Variants in COMMD1 observed in about 807,000 individuals in gnomAD.
The protein encoded by COMMD1 is copper metabolism domain containing 1, also known as COMM domain-containing protein 1.
In COMMD1, 10 loss-of-function variants were observed where a neutral mutation model predicts 17.2. That is an observed-to-expected ratio of 0.58 (90% confidence interval 0.36 to 0.99). The LOEUF (loss-of-function observed/expected upper bound fraction) is 0.99. Among genes scored for constraint, COMMD1 ranks in the 50% least tolerant of loss-of-function variants. The probability of loss-of-function intolerance (pLI) is 0.01; values close to 1 mark genes in which losing one functional copy is unlikely to be tolerated. For missense variants in COMMD1, 270 were observed against 231.8 expected, an observed-to-expected ratio of 1.17 and a Z score of -1.07; for synonymous variants, 97 against 91.6, an observed-to-expected ratio of 1.06 and a Z score of -0.34.
At chr2:62,018,740 A>G (rs1202481044) in intron 2 of COMMD1, among the ~76,000 whole-genome samples, 1 of 152,168 alleles carries the variant, frequency 6.6e-6, no homozygotes, top group Non-Finnish European at 1.5e-5. Flanking sequence ...TGTTTTTCTC[A>G]TGGTTAGATT....
rs139527885 is a variant in COMMD1 at position 62,073,846 on chromosome 2, C to T, written c.463-61985C>T. On this transcript the variant is annotated intron_variant, in intron 2 of 2. Coordinates refer to ENST00000311832, the MANE Select transcript of COMMD1 (RefSeq NM_152516.4). Reference sequence around the variant, plus strand: ...CCGAAGTAGCTGGCATCACAGGTGCCGCCACCATGCTTGGCTAATTTTTGT... The same window carrying T: ...CCGAAGTAGCTGGCATCACAGGTGCTGCCACCATGCTTGGCTAATTTTTGT... 6.4e-4 allele frequency among the ~76,000 whole-genome samples: 98 copies of T among 152,144 alleles called. 1 individual carries two copies. Among genetic ancestry groups the T allele is most frequent in the African/African-American group, 2.1e-3 (89 of 41,508 alleles).
At chr2:62,063,199 C>T (rs1445178398) in intron 2 of COMMD1, among the ~76,000 whole-genome samples, 3 of 152,024 alleles carry the variant, frequency 2.0e-5, no homozygotes, top group Non-Finnish European at 4.4e-5. Context: ...CCTGGTGACA[C>T]AGCAGGACTC....
chr2:61,944,766 C>G (rs1004386281), intron 1 of COMMD1, among the ~76,000 whole-genome samples: 10 of 152,122 alleles, frequency 6.6e-5, no homozygotes, highest in Non-Finnish European at 1.2e-4. Context: ...ACAGGACATC[C>G]CAAACAGTGG....
chr2:61,984,760 G>A (rs1294127652), intron 1 of COMMD1, among the ~76,000 whole-genome samples: 2 of 152,150 alleles, frequency 1.3e-5, no homozygotes, highest in East Asian at 3.8e-4. Context: ...GGATGTTGAA[G>A]TCTCCAGCTA....
At chr2:61,954,069 T>A (rs1417803984) in intron 1 of COMMD1, among the ~76,000 whole-genome samples, 1 of 151,806 alleles carries the variant, frequency 6.6e-6, no homozygotes, top group Non-Finnish European at 1.5e-5. Flanking sequence ...AATAAAAAAA[T>A]TAGCTGGCAG....
chr2:61,978,085 C>T (rs534094063), intron 1 of COMMD1, among the ~76,000 whole-genome samples: 154 of 151,960 alleles, frequency 1.0e-3, no homozygotes, highest in South Asian at 3.3e-3. Flanking sequence ...CACTTGAGGC[C>T]AGGAGTTTGA....
At chr2:62,126,416 A>G (rs1672889629) in intron 2 of COMMD1, among the ~76,000 whole-genome samples, 1 of 152,102 alleles carries the variant, frequency 6.6e-6, no homozygotes, top group Admixed American at 6.5e-5. Context: ...CTATTTCTCC[A>G]CAACCTTACT....
intron 2 of COMMD1, among the ~76,000 whole-genome samples, chr2:62,022,221 G>T (rs1423825306): frequency 6.6e-6 from 1 of 151,998 alleles, no homozygotes; most frequent in African/African-American, 2.4e-5. Flanking sequence ...TACATTGAGG[G>T]CAGATAGTAT....
intron 1 of COMMD1, among the ~76,000 whole-genome samples, chr2:61,918,902 G>GT (rs1325336264): frequency 5.9e-5 from 9 of 152,118 alleles, no homozygotes; most frequent in African/African-American, 2.2e-4. Context: ...TTGGACTTCT[G>GT]TTATGTGGTT....
chr2:61,905,275 A>G (rs2105168866), upstream of COMMD1, among the ~76,000 whole-genome samples: 1 of 152,362 alleles, frequency 6.6e-6, no homozygotes. Flanking sequence ...AGGATTAGGC[A>G]GAGATTAAAT....
intron 1 of COMMD1, among the ~76,000 whole-genome samples, chr2:61,928,979 G>A (rs1670395907): frequency 6.6e-6 from 1 of 152,238 alleles, no homozygotes; most frequent in African/African-American, 2.4e-5. Context: ...TGCATTCCAT[G>A]AGGGAAGGGT....
chr2:61,949,072 G>A (rs1336803349), intron 1 of COMMD1, among the ~76,000 whole-genome samples: 2 of 152,208 alleles, frequency 1.3e-5, no homozygotes, highest in African/African-American at 4.8e-5. Context: ...CCAGAAGTTC[G>A]AGACCAGCCT....
chr2:62,034,593 A>G (rs1363895080), intron 2 of COMMD1, among the ~76,000 whole-genome samples: 1 of 152,204 alleles, frequency 6.6e-6, no homozygotes, highest in African/African-American at 2.4e-5. Context: ...ACTATTCATG[A>G]ACATCTAAAT....
intron 2 of COMMD1, among the ~76,000 whole-genome samples, chr2:62,097,977 C>T (rs188202273): frequency 4.6e-5 from 7 of 152,050 alleles, no homozygotes; most frequent in East Asian, 1.9e-4. Flanking sequence ...GTGCAAGCAC[C>T]CGTTTAAGTT....
At chr2:62,093,002 T>G (rs1240747127) in intron 2 of COMMD1, among the ~76,000 whole-genome samples, 1 of 152,188 alleles carries the variant, frequency 6.6e-6, no homozygotes, top group African/African-American at 2.4e-5. Flanking sequence ...GGAAATGTTG[T>G]ATTATAGGCC....
At chr2:62,079,111 G>C (rs1157358575) in intron 2 of COMMD1, among the ~76,000 whole-genome samples, 1 of 152,152 alleles carries the variant, frequency 6.6e-6, no homozygotes, top group Non-Finnish European at 1.5e-5. Context: ...CAGGAAAGGG[G>C]TCCCGAACCA....
At position 61,963,218 on chromosome 2, in the gene COMMD1, CACAT is replaced by C. The variant is rs1175328944; in HGVS notation, c.181-37481_181-37478del. 5.5e-5 allele frequency among the ~76,000 whole-genome samples: 8 copies of C among 144,708 alleles called. No homozygotes were observed. The South Asian group carries it at 6.4e-4, about 12-fold the overall frequency. The allele number at this position is 144,708 out of a possible 152,430, so 94.9% of individuals were successfully genotyped here. A position where few individuals can be genotyped will look rare whatever the true frequency, so the allele number is the denominator to read the frequency against. On this transcript the variant is annotated intron_variant, in intron 1 of 2. Coordinates refer to ENST00000311832, the MANE Select transcript of COMMD1 (RefSeq NM_152516.4). The stretch of plus-strand genomic sequence containing the variant: ...ACACACACACACACACACACACACA[CACAT>C]ATATACATATATACACACACACACA...
chr2:62,013,040 G>C (rs1321011757), intron 2 of COMMD1, among the ~76,000 whole-genome samples: 1 of 152,086 alleles, frequency 6.6e-6, no homozygotes, highest in African/African-American at 2.4e-5. Context: ...GAAGCCATTA[G>C]AGGGTTTTAA....
chr2:62,134,175 G>T (rs1673122669), intron 2 of COMMD1, among the ~76,000 whole-genome samples: 1 of 152,082 alleles, frequency 6.6e-6, no homozygotes, highest in African/African-American at 2.4e-5. Context: ...TTTTCCATCT[G>T]TTGAGTCTCA....
Sources: gnomAD v4.1 joint callset for allele counts (sites outside exome capture counted in the v4.1 genomes callset) on GRCh38, gnomAD v4.1.1 for gene constraint, MANE v1.5 for transcripts, NCBI Gene and HGNC (gene_info 2026-07-23, HGNC 2026-07-21) for gene names.